ABCA2: variants seen among roughly 807,000 people sequenced by gnomAD.
ABCA2 encodes the protein ATP binding cassette subfamily A member 2, also known as ATP-binding cassette sub-family A member 2.
A neutral mutation model predicts 262.8 loss-of-function variants in ABCA2; 84 were observed. That is an observed-to-expected ratio of 0.32 (90% CI 0.27 to 0.38). ABCA2 has a LOEUF of 0.38. ABCA2 is among the 10% of genes least tolerant of loss of function. The probability of loss-of-function intolerance (pLI) is 1.00; values close to 1 mark genes in which losing one functional copy is unlikely to be tolerated. For missense variants in ABCA2, 2,662 were observed against 3,405.9 expected (o/e 0.78, Z 5.44); for synonymous variants, 1,696 against 1,502.9 (o/e 1.13, Z -2.97).
intron 1 of ABCA2, among the ~76,000 whole-genome samples, chr9:137,025,323 A>G (rs1831617605): frequency 6.6e-6 from 1 of 152,120 alleles, no homozygotes; most frequent in South Asian, 2.1e-4. Flanking sequence ...TACCCTCCAG[A>G]GAGCCCTCGG....
chr9:137,023,035 G>C lies in ABCA2; in HGVS notation c.181C>G (p.Pro61Ala), dbSNP rs1015705966. 1 of 1,587,906 alleles carries C rather than the reference G, an allele frequency of 6.3e-7. No individual in the cohort carries two copies. Among genetic ancestry groups the C allele is most frequent in the Non-Finnish European group, 8.6e-7 (1 of 1,168,266 alleles). The change falls in exon 4 of 49, where the codon CCC becomes GCC. Residue 61 changes from proline to alanine, a missense_variant. Transcript: ENST00000341511. ...VKEVSFYTAA[P>A]LTSAGILPVM... ...GGCAGGATGCCGGCAGACGTCAGGG[G>C]CGCCGCTGTGTAGAAGGCTGGCAGA... is the stretch of plus-strand genomic sequence containing the variant.
In ABCA2 at chr9:137,010,380, G is replaced by A. The variant is rs1295841993; in HGVS notation, c.6175-9C>T. 1.9e-6 allele frequency: 3 copies of A among 1,561,042 alleles called. No homozygotes were observed. The highest frequency in any genetic ancestry group is 1.9e-5 in the Admixed American group (1 of 52,380). Reference sequence around the variant, plus strand: ...TTCCGGGACTTGTAGACCTGGCCAGGAGCCTGCCCACTCAGCGGGGCATCC... The same window carrying A: ...TTCCGGGACTTGTAGACCTGGCCAGAAGCCTGCCCACTCAGCGGGGCATCC... On this transcript the variant is annotated splice_polypyrimidine_tract_variant and intron_variant, in intron 40 of 48. Transcript: ENST00000341511.
Position 137,022,990 on chromosome 9 carries a change from G to C in ABCA2, c.226C>G (p.Pro76Ala). 1.9e-6 allele frequency: 3 copies of C among 1,595,228 alleles called. No homozygotes were observed. Among genetic ancestry groups the C allele is most frequent in the Non-Finnish European group, 2.6e-6 (3 of 1,171,976 alleles). The change falls in exon 4 of 49, where the codon CCG becomes GCG. Residue 76 changes from proline (P) to alanine (A), a missense_variant. By Grantham distance (27) the Pro-to-Ala change is conservative. This residue lies in a region of ABCA2 where 101 missense variants were observed against 152.3 expected (regional missense o/e 0.66). Coordinates refer to ENST00000341511, the MANE Select transcript of ABCA2 (RefSeq NM_001606.5). ...GILPVMQSLC[P>A]DGQRDEFGFL... is the part of the protein sequence containing the mutation. ...CCGAACTCGTCTCGCTGGCCGTCCG[G>C]GCACAGCGATTGCATGACAGGCAGG...
Position 137,019,424 on chromosome 9 carries a change from CTTTTTT to C in ABCA2, c.1426-124_1426-119del. The C allele has an allele frequency of 8.8e-6, 8 of 906,354 alleles. No individual in the cohort carries two copies. The highest frequency in any genetic ancestry group is 9.4e-6 in the Non-Finnish European group (6 of 638,538). The allele number at this position is 906,354 out of a possible 1,614,324, so 56.1% of individuals were successfully genotyped here. ...ATTGCCAACAACTAACCCTCCCCAC[CTTTTTT>C]TTTTTTTTTTTCCTGAGACAGGGTC... is the stretch of plus-strand genomic sequence containing the variant. On this transcript the variant is annotated intron_variant, in intron 10 of 48. Transcript: ENST00000341511. This position sits in a 1 kb window ranked among gnomAD's most constrained non-coding sequence, Gnocchi z 4.4.
intron 25 of ABCA2, 21 bp from the exon 26 acceptor site, chr9:137,014,831 G>A (rs763433741): frequency 2.2e-5 from 35 of 1,594,184 alleles, no homozygotes; most frequent in Non-Finnish European, 2.6e-5. Flanking sequence ...GGTGGAGGGG[G>A]AGGCTGCGGC....
At position 137,016,146 on chromosome 9, in the gene ABCA2, T is replaced by C. The variant is rs1364360057; in HGVS notation, c.3133A>G (p.Thr1045Ala). Residue 1045 changes from threonine (T) to alanine (A), a missense_variant, in exon 22 of 49, where the codon ACG (threonine) becomes GCG (alanine). Around this residue, in one of 12 missense-constraint regions of ABCA2, gnomAD observed 180 missense variants for 307.3 expected, o/e 0.59. Transcript: ENST00000341511. ...MSILTGLFPPTSGSATIYGHD... is the reference protein window; with the variant it reads ...MSILTGLFPPASGSATIYGHD... ...CCGTAGATGGTGGCGGAACCCGACG[T>C]TGGAGGGAACAGGCCGGTCAGGATG... 6.2e-7 allele frequency: 1 copy of C among 1,612,746 alleles called. No homozygotes were observed. Among genetic ancestry groups the C allele is most frequent in the African/African-American group, 1.3e-5 (1 of 75,022 alleles).
In ABCA2 at chr9:137,018,198, T is replaced by C. The variant is rs780080102; in HGVS notation, c.1973A>G (p.Tyr658Cys). The C allele has an allele frequency of 6.2e-7, 1 of 1,610,464 alleles. No individual in the cohort carries two copies. Among genetic ancestry groups the C allele is most frequent in the Non-Finnish European group, 8.5e-7 (1 of 1,179,540 alleles). Reference protein sequence around the residue: ...PNTGGRFYFLYGFVWIQDMME... With the variant: ...PNTGGRFYFLCGFVWIQDMME... ...CTCACCCTGGATCCAGACGAAGCCG[T>C]AGAGGAAGTAGAAGCGGCCGCCAGT... The change falls in exon 14 of 49, where the codon TAC becomes TGC. Residue 658 changes from tyrosine to cysteine, a missense_variant. Tyr to Cys is a radical substitution (Grantham distance 194). Around this residue, in one of 12 missense-constraint regions of ABCA2, gnomAD observed 187 missense variants for 205.9 expected, o/e 0.91. Transcript: ENST00000341511.
chr9:137,023,480 A>G, intron 3 of ABCA2: 1 of 729,066 alleles, frequency 1.4e-6, no homozygotes. Context: ...AGCCTGAAGG[A>G]GTATGAAGGG....
At chr9:137,017,413 C>T in intron 17 of ABCA2, 67 bp from the exon 18 acceptor site, 1 of 1,603,856 alleles carries the variant, frequency 6.2e-7, no homozygotes, top group Non-Finnish European at 8.5e-7. Flanking sequence ...CAGGCCCGTG[C>T]CAGGGTCCAG....
In ABCA2 at chr9:137,014,308, G is replaced by T. The variant is rs1266290301; in HGVS notation, c.4100C>A (p.Thr1367Asn). 3 of 1,610,362 alleles carry T rather than the reference G, an allele frequency of 1.9e-6. No homozygotes were observed. The African/African-American group carries it at 4.0e-5, about 22-fold the overall frequency. The change falls in exon 27 of 49, where the codon ACC becomes AAC. Residue 1367 changes from threonine to asparagine, a missense_variant. Transcript: ENST00000341511. ...AGNLARCSEL[T>N]QSQASLQSAS... is the part of the protein sequence containing the mutation. Reference sequence around the variant, plus strand: ...CGACTGCAGCGATGCCTGCGACTGGGTCAGCTCCGAGCACCGGGCCAGATT... The same window carrying T: ...CGACTGCAGCGATGCCTGCGACTGGTTCAGCTCCGAGCACCGGGCCAGATT...
At position 137,009,871 on chromosome 9, in the gene ABCA2, C is replaced by T. The variant is rs1256785970; in HGVS notation, c.6528G>A (p.Leu2176=). 4 of 1,611,118 alleles carry T rather than the reference C, an allele frequency of 2.5e-6. No individual in the cohort carries two copies. The highest frequency in any genetic ancestry group is 3.4e-6 in the Non-Finnish European group (4 of 1,178,962). The change falls in exon 43 of 49, where the codon CTG becomes CTA. Residue 2176 remains leucine, a synonymous_variant. Coordinates refer to ENST00000341511, the MANE Select transcript of ABCA2 (RefSeq NM_001606.5). The part of the protein sequence containing the change: ...VVKWALEKLE[L]TKYADKPAGT... ...CAGCCGGCTTGTCTGCGTACTTGGT[C>T]AGCTCCAGCTTCTCCAGAGCCCACT...
chr9:137,024,730 A>G (rs1831592415), intron 1 of ABCA2, among the ~76,000 whole-genome samples: 1 of 151,044 alleles, frequency 6.6e-6, no homozygotes, highest in South Asian at 2.1e-4. Context: ...GCCTGCGCCC[A>G]GGGCCCTGAG....
Position 137,019,441 on chromosome 9 carries a change from T to TC in ABCA2, c.1426-136dup. 1.0e-6 allele frequency: 1 copy of TC among 961,604 alleles called. No homozygotes were observed. Among genetic ancestry groups the TC allele is most frequent in the South Asian group, 1.8e-5 (1 of 56,932 alleles). 59.6% of individuals were successfully genotyped at this position (961,604 alleles called of 1,614,324 possible). A position where few individuals can be genotyped will look rare whatever the true frequency, so the allele number is the denominator to read the frequency against. On this transcript the variant is annotated intron_variant, in intron 10 of 48. Transcript: ENST00000341511. This position sits in a 1 kb window ranked among gnomAD's most constrained non-coding sequence, Gnocchi z 4.4. ...CTCCCCACCTTTTTTTTTTTTTTTT[T>TC]CCTGAGACAGGGTCTCAGTCACCCA...
At position 137,022,401 on chromosome 9, in the gene ABCA2, G is replaced by A. The variant is rs1465109790; in HGVS notation, c.517C>T (p.Pro173Ser). ...AAGAGTGCTTGGGCCGTGCTATTGG[G>A]CAGCGACAAGTTTTGCGTCAGGAAA... ...WRFLTQNLSL[P>S]NSTAQALLAA... Residue 173 changes from proline to serine, a missense_variant, in exon 6 of 49, where the codon CCC becomes TCC. Physicochemically the swap from Pro to Ser is moderately conservative, Grantham distance 74 (BLOSUM62 -1). Around this residue, in one of 12 missense-constraint regions of ABCA2, gnomAD observed 403 missense variants for 375.9 expected, o/e 1.07. Transcript: ENST00000341511. The A allele has an allele frequency of 6.2e-7, 1 of 1,611,682 alleles. No homozygotes were observed. The highest frequency in any genetic ancestry group is 8.5e-7 in the Non-Finnish European group (1 of 1,179,614).
At chr9:137,016,800 G>T in intron 19 of ABCA2, 62 bp from the exon 20 acceptor site, 12 of 1,540,024 alleles carry the variant, frequency 7.8e-6, no homozygotes, top group Non-Finnish European at 8.7e-6. Context: ...CCACCACGTG[G>T]GCCACGTGCC....
At position 137,014,927 on chromosome 9, in the gene ABCA2, C is replaced by T. The variant is rs1206705940; in HGVS notation, c.3868G>A (p.Glu1290Lys). ...PSEAAKKGAFERLFQHLERSL... is the reference protein window; with the variant it reads ...PSEAAKKGAFKRLFQHLERSL... Reference sequence around the variant, plus strand: ...CGCCCTCACACCTGGAAGAGGCGCTCGAAAGCCCCCTTCTTGGCGGCCTCG... The same window carrying T: ...CGCCCTCACACCTGGAAGAGGCGCTTGAAAGCCCCCTTCTTGGCGGCCTCG... The change falls in exon 25 of 49, where the codon GAG becomes AAG. Residue 1290 changes from glutamate to lysine, a missense_variant. Around this residue, in one of 12 missense-constraint regions of ABCA2, gnomAD observed 297 missense variants for 286.5 expected, o/e 1.04. Coordinates refer to ENST00000341511, the MANE Select transcript of ABCA2 (RefSeq NM_001606.5). 5.1e-6 allele frequency: 8 copies of T among 1,567,344 alleles called. No homozygotes were observed. Among genetic ancestry groups the T allele is most frequent in the Admixed American group, 1.8e-5 (1 of 56,146 alleles).
chr9:137,009,970 C>T lies in ABCA2; in HGVS notation c.6495+13G>A. The T allele has an allele frequency of 6.3e-7, 1 of 1,595,034 alleles. No individual in the cohort carries two copies. Among genetic ancestry groups the T allele is most frequent in the Non-Finnish European group, 8.5e-7 (1 of 1,169,880 alleles). On this transcript the variant is annotated intron_variant, in intron 42 of 48. Transcript: ENST00000341511. ...AGCGTGCTGACTCCCTGCCCCGCCCCACAGATCCTCACCCGGGCCTCGTCC... is the reference window on the plus strand; with the variant it reads ...AGCGTGCTGACTCCCTGCCCCGCCCTACAGATCCTCACCCGGGCCTCGTCC...
Position 137,023,663 on chromosome 9 carries a change from C to T in ABCA2, c.163+175G>A. 24 of 684,374 alleles carry T rather than the reference C, an allele frequency of 3.5e-5. No homozygotes were observed. The South Asian group carries it at 3.8e-4, about 11-fold the overall frequency. 42.4% of individuals were successfully genotyped at this position (684,374 alleles called of 1,614,324 possible). A position where few individuals can be genotyped will look rare whatever the true frequency, so the allele number is the denominator to read the frequency against. On this transcript the variant is annotated intron_variant, in intron 3 of 48. Transcript: ENST00000341511. Reference sequence around the variant, plus strand: ...AGGTGGCCGGGCCTTTCACTCCCTACCACCTCCCACTTCACTGCCTGCCAC... The same window carrying T: ...AGGTGGCCGGGCCTTTCACTCCCTATCACCTCCCACTTCACTGCCTGCCAC...
rs1306940550 is a variant in ABCA2, at chr9:137,015,955, C to T, written c.3317+7G>A. 1.2e-6 allele frequency: 1 copy of T among 819,574 alleles called. No homozygotes were observed. Among genetic ancestry groups the T allele is most frequent in the African/African-American group, 1.7e-5 (1 of 59,808 alleles). 50.8% of individuals were successfully genotyped at this position (819,574 alleles called of 1,614,324 possible). ...CACCTGCCCCGCCCCCCGCCCAGCC[C>T]ACCCACTTGTCCATCTCTCTGCGGA... On this transcript the variant is annotated splice_region_variant and intron_variant, in intron 22 of 48. Coordinates refer to ENST00000341511, the MANE Select transcript of ABCA2 (RefSeq NM_001606.5).
Sources: gnomAD v4.1 joint callset for allele counts (sites outside exome capture counted in the v4.1 genomes callset) on GRCh38, gnomAD v4.1.1 for gene constraint, gnomAD v4.1.1 regional missense constraint, Gnocchi (gnomAD v3.1) non-coding constraint, MANE v1.5 for transcripts, NCBI Gene and HGNC (gene_info 2026-07-23, HGNC 2026-07-21) for gene names.